EBF3: variants seen among roughly 807,000 people sequenced by gnomAD.
EBF3 encodes transcription factor COE3.
Under a neutral mutation model 77.1 loss-of-function variants are expected in EBF3, and 18 were observed. The ratio of observed to expected loss-of-function variants is 0.23; its 90% CI spans 0.16 to 0.35. EBF3 has a LOEUF of 0.35. Among genes scored for constraint, EBF3 ranks in the 10% least tolerant of loss-of-function variants. EBF3 has a pLI of 1.00. For synonymous variants in EBF3, 350 were observed against 343.5 expected, an observed-to-expected ratio of 1.02 and a Z score of -0.21; for missense variants, 558 against 860.0, an observed-to-expected ratio of 0.65 and a Z score of 4.39.
At chr10:129,882,800 A>G (rs1306201070) in intron 6 of EBF3, among the ~76,000 whole-genome samples, 1 of 152,228 alleles carries the variant, frequency 6.6e-6, no homozygotes, top group African/African-American at 2.4e-5. Flanking sequence ...GCTGCAACTT[A>G]CCACTGGCCA....
chr10:129,922,537 A>G (rs1280607172), intron 6 of EBF3, among the ~76,000 whole-genome samples: 1 of 152,216 alleles, frequency 6.6e-6, no homozygotes, highest in Non-Finnish European at 1.5e-5. Flanking sequence ...GGAGCTTTGT[A>G]AACATTTCAT....
At position 129,937,246 on chromosome 10, in the gene EBF3, G is replaced by A. The variant is rs572722291; in HGVS notation, c.554+20012C>T. On this transcript the variant is annotated intron_variant, in intron 6 of 16. Transcript: ENST00000440978. Reference sequence around the variant, plus strand: ...CAAGGGAAAGAGCCTGGGGTTCCGGGGCGCACAGAGACCCCTAGTTTGAGC... The same window carrying A: ...CAAGGGAAAGAGCCTGGGGTTCCGGAGCGCACAGAGACCCCTAGTTTGAGC... Among the ~76,000 whole-genome samples, 6 of 152,218 alleles carry A rather than the reference G, an allele frequency of 3.9e-5. No homozygotes were observed. The South Asian group carries it at 6.2e-4, about 16-fold the overall frequency.
intron 6 of EBF3, among the ~76,000 whole-genome samples, chr10:129,891,246 GA>G (rs1249457118): frequency 1.3e-5 from 2 of 152,262 alleles, no homozygotes; most frequent in East Asian, 3.9e-4. Context: ...GTGTTAAGCT[GA>G]TACTCTGAGC....
At chr10:129,874,994 C>A (rs576593150) in intron 7 of EBF3, among the ~76,000 whole-genome samples, 1 of 152,056 alleles carries the variant, frequency 6.6e-6, no homozygotes, top group South Asian at 2.1e-4. Context: ...CTAAACTTCT[C>A]TAAGAAAAAT....
rs895140776 is a variant in EBF3 at position 129,943,610 on chromosome 10, A to G, written c.554+13648T>C. Reference sequence around the variant, plus strand: ...CGCCAGCCGGGCTTGGGAACAAGACAGGTCCCCGGCGTGCACATCCAAAGT... The same window carrying G: ...CGCCAGCCGGGCTTGGGAACAAGACGGGTCCCCGGCGTGCACATCCAAAGT... On this transcript the variant is annotated intron_variant, in intron 6 of 16. Transcript: ENST00000440978. This position sits in a 1 kb window ranked among gnomAD's most constrained non-coding sequence, Gnocchi z 8.8. Among the ~76,000 whole-genome samples, 7 of 152,194 alleles carry G rather than the reference A, an allele frequency of 4.6e-5. No individual in the cohort carries two copies. The highest frequency in any genetic ancestry group is 1.5e-5 in the Non-Finnish European group (1 of 68,026).
In EBF3 at chr10:129,938,482, G is replaced by A. The variant is rs183860941; in HGVS notation, c.554+18776C>T. ...GTGGGAACATTGCTTGAGCCCAGGA[G>A]GTCCAGGCTGCAGGGAGCTGTGATT... On this transcript the variant is annotated intron_variant, in intron 6 of 16. Coordinates refer to ENST00000440978, the MANE Select transcript of EBF3 (RefSeq NM_001375380.1). This position sits in a 1 kb window ranked among gnomAD's most constrained non-coding sequence, Gnocchi z 5.1. Among the ~76,000 whole-genome samples, 53 of 152,280 alleles carry A rather than the reference G, an allele frequency of 3.5e-4. No individual in the cohort carries two copies. The highest frequency in any genetic ancestry group is 1.3e-3 in the African/African-American group (52 of 41,554).
At chr10:129,866,783 G>A (rs917584434) in intron 10 of EBF3, among the ~76,000 whole-genome samples, 2 of 152,144 alleles carry the variant, frequency 1.3e-5, no homozygotes, top group Non-Finnish European at 2.9e-5. Flanking sequence ...GTGGACACAC[G>A]GCCCCTAGCC....
chr10:129,836,733 A>C lies in EBF3; in HGVS notation c.*1210T>G, dbSNP rs918850946. The C allele has an allele frequency of 1.3e-5, 2 of 152,614 alleles. No homozygotes were observed. Among genetic ancestry groups the C allele is most frequent in the Non-Finnish European group, 2.9e-5 (2 of 68,042 alleles). 9.5% of individuals were successfully genotyped at this position (152,614 alleles called of 1,614,324 possible). ...GGCTAATGCTCTTCCCAGTATCACA[A>C]CACCAGGCCGTGATCAAAAACCAAT... is the stretch of plus-strand genomic sequence containing the variant. On this transcript the variant is annotated 3_prime_UTR_variant, in exon 17 of 17. Coordinates refer to ENST00000440978, the MANE Select transcript of EBF3 (RefSeq NM_001375380.1).
chr10:129,908,814 G>T (rs1855321203), intron 6 of EBF3, among the ~76,000 whole-genome samples: 2 of 152,196 alleles, frequency 1.3e-5, no homozygotes, highest in African/African-American at 2.4e-5. Flanking sequence ...ATCGAGAGGT[G>T]CAAGGCCACC....
chr10:129,915,848 C>A (rs1475735105), intron 6 of EBF3, among the ~76,000 whole-genome samples: 1 of 152,212 alleles, frequency 6.6e-6, no homozygotes, highest in Non-Finnish European at 1.5e-5. Context: ...GAGGGGGTGG[C>A]TCCAGCTCTC....
In EBF3 at chr10:129,836,717, T is replaced by C. The variant is rs1849631767; in HGVS notation, c.*1226A>G. The C allele has an allele frequency of 6.6e-6, 1 of 152,484 alleles. No individual in the cohort carries two copies. The highest frequency in any genetic ancestry group is 2.4e-5 in the African/African-American group (1 of 41,402). The allele number at this position is 152,484 out of a possible 1,614,324, so 9.4% of individuals were successfully genotyped here. Reference sequence around the variant, plus strand: ...AAAGAGACAAGTTCTTGGCTAATGCTCTTCCCAGTATCACAACACCAGGCC... The same window carrying C: ...AAAGAGACAAGTTCTTGGCTAATGCCCTTCCCAGTATCACAACACCAGGCC... On this transcript the variant is annotated 3_prime_UTR_variant, in exon 17 of 17. Transcript: ENST00000440978.
chr10:129,884,345 A>G (rs1853420822), intron 6 of EBF3, among the ~76,000 whole-genome samples: 1 of 152,184 alleles, frequency 6.6e-6, no homozygotes, highest in African/African-American at 2.4e-5. Context: ...AAGATAGTAC[A>G]CAGGTCAATA....
intron 6 of EBF3, among the ~76,000 whole-genome samples, chr10:129,949,110 C>G (rs916593004): frequency 6.6e-6 from 1 of 152,094 alleles, no homozygotes; most frequent in Non-Finnish European, 1.5e-5. Context: ...ACCAGCCTGA[C>G]CAACATGGAG....
At chr10:129,953,072 GA>G (rs1858788166) in intron 6 of EBF3, among the ~76,000 whole-genome samples, 1 of 148,974 alleles carries the variant, frequency 6.7e-6, no homozygotes, top group Non-Finnish European at 1.5e-5. Context: ...AGAAAGAAAA[GA>G]AAGAAGAAAG....
chr10:129,911,336 A>G (rs1396065231), intron 6 of EBF3, among the ~76,000 whole-genome samples: 1 of 152,200 alleles, frequency 6.6e-6, no homozygotes, highest in African/African-American at 2.4e-5. Flanking sequence ...GCAGAGCCAC[A>G]GCCCAAGCCT....
Position 129,964,217 on chromosome 10 carries a change from G to C in EBF3, c.-449C>G. 1 of 984,942 alleles carries C rather than the reference G, an allele frequency of 1.0e-6. No individual in the cohort carries two copies. Among genetic ancestry groups the C allele is most frequent in the Non-Finnish European group, 1.2e-6 (1 of 829,768 alleles). The allele number at this position is 984,942 out of a possible 1,614,324, so 61.0% of individuals were successfully genotyped here. ...CGCAGGCGGGGCGCGGCGGGGCCTG[G>C]AGCGGCGCGCGCAGCGGACGGAGGC... On this transcript the variant is annotated 5_prime_UTR_variant, in exon 1 of 17. Transcript: ENST00000440978. This position sits in a 1 kb window ranked among gnomAD's most constrained non-coding sequence, Gnocchi z 4.5.
chr10:129,943,322 T>C lies in EBF3; in HGVS notation c.554+13936A>G, dbSNP rs920753897. On this transcript the variant is annotated intron_variant, in intron 6 of 16. Coordinates refer to ENST00000440978, the MANE Select transcript of EBF3 (RefSeq NM_001375380.1). The surrounding 1 kb of genome is among the most constrained non-coding windows in gnomAD (Gnocchi z 8.8). ...CTTAATCAACAGTTAAAGAAGCAAA[T>C]TGGATTTGCCCTATCACAAAAAAAA... Among the ~76,000 whole-genome samples, 11 of 152,142 alleles carry C rather than the reference T, an allele frequency of 7.2e-5. No homozygotes were observed. Among genetic ancestry groups the C allele is most frequent in the African/African-American group, 2.4e-4 (10 of 41,452 alleles).
At chr10:129,956,809 T>C (rs1859072164) in intron 6 of EBF3, among the ~76,000 whole-genome samples, 1 of 152,226 alleles carries the variant, frequency 6.6e-6, no homozygotes, top group Non-Finnish European at 1.5e-5. Flanking sequence ...TTGCAACTAA[T>C]TGAGAGCAGA....
rs139544016 is a variant in EBF3 at position 129,868,018 on chromosome 10, G to A, written c.782-106C>T. ...GCGGCCACCGCGGGAGGAGAGGCGC[G>A]CCGTTCCTCCAGGCGGCACGCAAAG... On this transcript the variant is annotated intron_variant, in intron 8 of 16. Transcript: ENST00000440978. 1,249 of 1,494,062 alleles carry A rather than the reference G, an allele frequency of 8.4e-4. 12 individuals are homozygous for A. In the East Asian group the frequency reaches 0.022, roughly 26 times the overall value. The allele number at this position is 1,494,062 out of a possible 1,614,324, so 92.6% of individuals were successfully genotyped here.
Sources: allele counts gnomAD v4.1 joint callset (sites outside exome capture counted in the v4.1 genomes callset), GRCh38; gene constraint gnomAD v4.1.1; non-coding constraint Gnocchi (gnomAD v3.1); transcripts MANE v1.5; gene names NCBI Gene and HGNC (gene_info 2026-07-23, HGNC 2026-07-21).